PID1: variants seen among roughly 807,000 people sequenced by gnomAD.
PID1 encodes PTB-containing, cubilin and LRP1-interacting protein.
In PID1, 10 loss-of-function variants were observed where a neutral mutation model predicts 19.1. The ratio of observed to expected loss-of-function variants is 0.52; its 90% confidence interval spans 0.32 to 0.89. The LOEUF is 0.89. PID1 is among the 40% of genes least tolerant of loss of function. The pLI, the probability that PID1 is intolerant of heterozygous loss-of-function variation, is 0.03. For missense variants in PID1, 248 were observed against 285.3 expected, an observed-to-expected ratio of 0.87 and a Z score of 0.94; for synonymous variants, 130 against 116.0, an observed-to-expected ratio of 1.12 and a Z score of -0.78.
chr2:229,222,266 T>G (rs538406889), intron 1 of PID1, among the ~76,000 whole-genome samples: 1 of 152,150 alleles, frequency 6.6e-6, no homozygotes, highest in Non-Finnish European at 1.5e-5. Flanking sequence ...AAAAAGCCCA[T>G]GTGTTCGCGG....
At chr2:229,157,408 C>T (rs1322497051) in intron 1 of PID1, among the ~76,000 whole-genome samples, 7 of 143,792 alleles carry the variant, frequency 4.9e-5, no homozygotes, top group Non-Finnish European at 9.0e-5. Flanking sequence ...CCAGCCTGGG[C>T]GATAAGAGCA....
intron 2 of PID1, among the ~76,000 whole-genome samples, chr2:229,121,413 T>C (rs1015570440): frequency 3.9e-5 from 6 of 152,348 alleles, no homozygotes; most frequent in Non-Finnish European, 8.8e-5. Context: ...ATGGGAACCA[T>C]GTGCCTAGGA....
intron 1 of PID1, among the ~76,000 whole-genome samples, chr2:229,189,073 G>A (rs1691199384): frequency 6.6e-6 from 1 of 152,224 alleles, no homozygotes; most frequent in Non-Finnish European, 1.5e-5. Flanking sequence ...AACTCGTGAA[G>A]TGAAAGTTCT....
intron 2 of PID1, among the ~76,000 whole-genome samples, chr2:229,056,732 GC>G (rs1694110599): frequency 6.6e-6 from 1 of 151,540 alleles, no homozygotes; most frequent in East Asian, 1.9e-4. Flanking sequence ...CACATTTCTT[GC>G]GAAAATCAAT....
intron 2 of PID1, among the ~76,000 whole-genome samples, chr2:229,067,982 A>G (rs1017867517): frequency 5.3e-5 from 8 of 152,144 alleles, no homozygotes; most frequent in African/African-American, 1.9e-4. Flanking sequence ...AGAGGTCTCC[A>G]TTCTCTGTAC....
At chr2:229,099,949 G>A (rs1426966936) in intron 2 of PID1, among the ~76,000 whole-genome samples, 1 of 152,148 alleles carries the variant, frequency 6.6e-6, no homozygotes, top group East Asian at 1.9e-4. Flanking sequence ...GACACTGTTA[G>A]GAGATGGGGT....
chr2:229,081,894 G>T (rs1694675982), intron 2 of PID1, among the ~76,000 whole-genome samples: 1 of 152,220 alleles, frequency 6.6e-6, no homozygotes, highest in South Asian at 2.1e-4. Context: ...AGTCAGGGGA[G>T]TTCAAGAAGA....
intron 1 of PID1, among the ~76,000 whole-genome samples, chr2:229,245,949 TG>T (rs1399823847): frequency 6.6e-6 from 1 of 152,178 alleles, no homozygotes; most frequent in African/African-American, 2.4e-5. Flanking sequence ...TTTCGTTGGT[TG>T]TTGGGCTGTT....
chr2:229,242,433 T>C (rs1689894037), intron 1 of PID1, among the ~76,000 whole-genome samples: 1 of 151,098 alleles, frequency 6.6e-6, no homozygotes, highest in South Asian at 2.1e-4. Flanking sequence ...CCACCTGAAA[T>C]ATGCTGCTTC....
chr2:229,254,809 T>C (rs762845024), intron 1 of PID1, among the ~76,000 whole-genome samples: 1 of 152,234 alleles, frequency 6.6e-6, no homozygotes, highest in East Asian at 1.9e-4. Flanking sequence ...CAGAACTATA[T>C]AGGGGTCTAA....
At chr2:229,156,556 T>A (rs2106196230) in intron 1 of PID1, among the ~76,000 whole-genome samples, 1 of 152,272 alleles carries the variant, frequency 6.6e-6, no homozygotes, top group Non-Finnish European at 1.5e-5. Flanking sequence ...ATGCTCAGAA[T>A]CCAACCACAT....
intron 1 of PID1, among the ~76,000 whole-genome samples, chr2:229,196,259 AACAT>A (rs1691375302): frequency 6.6e-6 from 1 of 152,078 alleles, no homozygotes; most frequent in African/African-American, 2.4e-5. Flanking sequence ...GGCAGTAAAA[AACAT>A]ACAGTTTCAT....
intron 1 of PID1, among the ~76,000 whole-genome samples, chr2:229,225,126 G>T (rs1413376007): frequency 6.6e-6 from 1 of 152,090 alleles, no homozygotes; most frequent in Non-Finnish European, 1.5e-5. Context: ...GTAAGAGCTT[G>T]GACTGGGAGT....
At chr2:229,123,157 A>G (rs997394792) in intron 2 of PID1, among the ~76,000 whole-genome samples, 3 of 152,146 alleles carry the variant, frequency 2.0e-5, no homozygotes, top group African/African-American at 7.2e-5. Flanking sequence ...CTCGTTATCT[A>G]TTAGCAGCAA....
intron 1 of PID1, among the ~76,000 whole-genome samples, chr2:229,157,560 C>A (rs75439234): frequency 6.3e-4 from 96 of 152,242 alleles, no homozygotes; most frequent in African/African-American, 2.2e-3. Flanking sequence ...ATCCTTACCA[C>A]CCACCTTCAC....
chr2:229,217,289 T>C (rs1168322927), intron 1 of PID1, among the ~76,000 whole-genome samples: 1 of 152,216 alleles, frequency 6.6e-6, no homozygotes, highest in African/African-American at 2.4e-5. Flanking sequence ...ATGAGGTTTA[T>C]GGGTCTTTTA....
intron 1 of PID1, among the ~76,000 whole-genome samples, chr2:229,252,349 A>C (rs563416705): frequency 3.3e-5 from 5 of 152,336 alleles, no homozygotes; most frequent in Admixed American, 6.5e-5. Context: ...TTACTTGCAA[A>C]GTTGGGATCC....
At chr2:229,046,879 G>C (rs972858507) in intron 2 of PID1, among the ~76,000 whole-genome samples, 1 of 152,184 alleles carries the variant, frequency 6.6e-6, no homozygotes, top group Non-Finnish European at 1.5e-5. Context: ...GTTCTTGACT[G>C]CACATGAACC....
At chr2:229,176,325 C>T (rs373515665) in intron 1 of PID1, among the ~76,000 whole-genome samples, 2 of 152,192 alleles carry the variant, frequency 1.3e-5, no homozygotes, top group African/African-American at 4.8e-5. Context: ...AGCTCCCCTG[C>T]TTGCCTCAGC....
Sources: allele counts gnomAD v4.1 joint callset (sites outside exome capture counted in the v4.1 genomes callset), GRCh38; gene constraint gnomAD v4.1.1; transcripts MANE v1.5; gene names NCBI Gene and HGNC (gene_info 2026-07-23, HGNC 2026-07-21).